KIF26B: variants seen among roughly 807,000 people sequenced by gnomAD.
KIF26B encodes the protein kinesin family member 26B.
A neutral mutation model predicts 151.2 loss-of-function variants in KIF26B; 63 were observed. The ratio of observed to expected loss-of-function variants is 0.42; its 90% CI spans 0.34 to 0.51. The LOEUF (loss-of-function observed/expected upper bound fraction) is 0.51. KIF26B is among the 20% of genes least tolerant of loss of function. The pLI, the probability that KIF26B is intolerant of heterozygous loss-of-function variation, is 0.07. For missense variants in KIF26B, 2,813 were observed against 2,913.6 expected (o/e 0.97, Z 0.79); for synonymous variants, 1,357 against 1,262.1 (o/e 1.08, Z -1.59).
intron 2 of KIF26B, among the ~76,000 whole-genome samples, chr1:245,341,828 G>A (rs1672339744): frequency 6.6e-6 from 1 of 152,202 alleles, no homozygotes; most frequent in South Asian, 2.1e-4. Context: ...TTGGGGCAGA[G>A]CTCAGAGGGA....
At chr1:245,553,180 C>T (rs537324596) in intron 5 of KIF26B, among the ~76,000 whole-genome samples, 75 of 152,344 alleles carry the variant, frequency 4.9e-4, no homozygotes, top group Non-Finnish European at 8.8e-4. Flanking sequence ...TCCACCATCA[C>T]CACTCCTCTT....
chr1:245,539,937 G>A (rs1217052321), intron 4 of KIF26B, among the ~76,000 whole-genome samples: 1 of 152,174 alleles, frequency 6.6e-6, no homozygotes, highest in Admixed American at 6.5e-5. Flanking sequence ...ACAGGTGTGA[G>A]CCACCGTGCC....
chr1:245,500,749 G>A (rs147826099), intron 4 of KIF26B, among the ~76,000 whole-genome samples: 86 of 152,360 alleles, frequency 5.6e-4, no homozygotes, highest in Non-Finnish European at 1.0e-3. Flanking sequence ...GAGGAATTCC[G>A]AAGAGCTGGG....
chr1:245,430,662 T>C (rs1038740768), intron 4 of KIF26B, among the ~76,000 whole-genome samples: 1 of 143,136 alleles, frequency 7.0e-6, no homozygotes, highest in East Asian at 1.9e-4. Flanking sequence ...AGTGAGACCC[T>C]TCTCTTAGAA....
intron 4 of KIF26B, among the ~76,000 whole-genome samples, chr1:245,434,019 T>C (rs2103043124): frequency 1.3e-5 from 2 of 152,266 alleles, no homozygotes; most frequent in Middle Eastern, 6.8e-3. Flanking sequence ...ATATAAACCA[T>C]TACTCAAAAT....
At chr1:245,161,533 AT>A (rs1668529263) in intron 2 of KIF26B, among the ~76,000 whole-genome samples, 2 of 152,228 alleles carry the variant, frequency 1.3e-5, no homozygotes, top group Non-Finnish European at 2.9e-5. Flanking sequence ...TATATCACAG[AT>A]TGTACCATGA....
chr1:245,171,207 AT>A (rs1244460314), intron 2 of KIF26B, among the ~76,000 whole-genome samples: 1 of 152,218 alleles, frequency 6.6e-6, no homozygotes, highest in Non-Finnish European at 1.5e-5. Flanking sequence ...TCTTCAGCAC[AT>A]TATATCTCTT....
At position 245,685,992 on chromosome 1, in the gene KIF26B, G is replaced by T; in HGVS notation, c.3009G>T (p.Arg1003Ser). 1.9e-6 allele frequency: 3 copies of T among 1,594,540 alleles called. No homozygotes were observed. The highest frequency in any genetic ancestry group is 1.7e-6 in the Non-Finnish European group (2 of 1,171,178). ...AACTCCCAGCCTCCAAGATGCAGAG[G>T]AGTCACTCACCTGTGCCCGCCGCGG... ...GPELPASKMQ[R>S]SHSPVPAAAP... is the part of the protein sequence containing the mutation. The change falls in exon 12 of 15, where the codon AGG becomes AGT. Residue 1003 changes from arginine (R) to serine (S), a missense_variant. Arg to Ser is a moderately radical substitution (Grantham distance 110, BLOSUM62 -1). Transcript: ENST00000407071.
At position 245,192,253 on chromosome 1, in the gene KIF26B, G is replaced by A. The variant is rs1318563820; in HGVS notation, c.465+35570G>A. Among the ~76,000 whole-genome samples, 3 of 151,782 alleles carry A rather than the reference G, an allele frequency of 2.0e-5. No homozygotes were observed. In the East Asian group the frequency reaches 5.8e-4, roughly 29 times the overall value. ...AAATGTTTCCCATGTTTCAGGGGAC[G>A]TGCTCATGATATAATTAATGCTAAG... On this transcript the variant is annotated intron_variant, in intron 2 of 14. Coordinates refer to ENST00000407071, the MANE Select transcript of KIF26B (RefSeq NM_018012.4).
chr1:245,555,843 T>C (rs1463852250), intron 5 of KIF26B, among the ~76,000 whole-genome samples: 1 of 152,118 alleles, frequency 6.6e-6, no homozygotes, highest in African/African-American at 2.4e-5. Context: ...AAATGAGGAC[T>C]TGGGGGGGTT....
chr1:245,410,462 T>G (rs1232896665), intron 3 of KIF26B, among the ~76,000 whole-genome samples: 3 of 152,112 alleles, frequency 2.0e-5, no homozygotes, highest in Non-Finnish European at 4.4e-5. Context: ...TCTCTCTTAT[T>G]TTTTGAGACA....
rs529450973 is a variant in KIF26B, at chr1:245,375,351, A to G, written c.999+7984A>G. ...CTCAGCCTCCCAAAGTGCTGGGATT[A>G]CAGGTATGAACCACCACATCCGGCC... On this transcript the variant is annotated intron_variant, in intron 3 of 14. Transcript: ENST00000407071. This position sits in a 1 kb window ranked among gnomAD's most constrained non-coding sequence, Gnocchi z 4.2. Among the ~76,000 whole-genome samples the G allele has an allele frequency of 1.6e-4, 24 of 152,320 alleles. No homozygotes were observed. The highest frequency in any genetic ancestry group is 9.1e-4 in the Admixed American group (14 of 15,304).
chr1:245,646,615 G>A (rs2043950304), intron 10 of KIF26B, among the ~76,000 whole-genome samples: 1 of 152,200 alleles, frequency 6.6e-6, no homozygotes, highest in South Asian at 2.1e-4. Flanking sequence ...TGATGAGAGT[G>A]AGGGGTGGAA....
At chr1:245,464,580 T>C (rs540531484) in intron 4 of KIF26B, among the ~76,000 whole-genome samples, 47 of 138,384 alleles carry the variant, frequency 3.4e-4, no homozygotes, top group African/African-American at 1.2e-3. Flanking sequence ...TGGGTGTGTG[T>C]GCACGTGTGT....
intron 2 of KIF26B, among the ~76,000 whole-genome samples, chr1:245,215,082 T>C (rs1044031134): frequency 1.3e-5 from 2 of 152,100 alleles, no homozygotes; most frequent in Non-Finnish European, 2.9e-5. Context: ...AAGCTTCTCT[T>C]CCAAAGTTTC....
Position 245,375,533 on chromosome 1 carries a change from A to G in KIF26B, c.999+8166A>G, listed in dbSNP as rs1314939144. ...CAAATCTGTTGGCTTTGATGATGGA[A>G]GAAGGAACCTCTAGAAGCTGAGGAC... is the stretch of plus-strand genomic sequence containing the variant. On this transcript the variant is annotated intron_variant, in intron 3 of 14. Transcript: ENST00000407071. The surrounding 1 kb of genome is among the most constrained non-coding windows in gnomAD (Gnocchi z 4.2). Among the ~76,000 whole-genome samples the G allele has an allele frequency of 6.6e-6, 1 of 152,178 alleles. No homozygotes were observed. Among genetic ancestry groups the G allele is most frequent in the Non-Finnish European group, 1.5e-5 (1 of 68,026 alleles).
intron 2 of KIF26B, among the ~76,000 whole-genome samples, chr1:245,296,346 A>G (rs1037511457): frequency 6.6e-6 from 1 of 152,020 alleles, no homozygotes; most frequent in African/African-American, 2.4e-5. Flanking sequence ...ACTGGCTGAC[A>G]CCCCTTAATA....
intron 4 of KIF26B, among the ~76,000 whole-genome samples, chr1:245,539,543 A>C (rs1418925911): frequency 6.6e-6 from 1 of 152,240 alleles, no homozygotes; most frequent in Non-Finnish European, 1.5e-5. Flanking sequence ...GTGTGTAAAC[A>C]TCAAGAATTC....
chr1:245,246,956 C>T (rs1442030635), intron 2 of KIF26B, among the ~76,000 whole-genome samples: 1 of 151,016 alleles, frequency 6.6e-6, no homozygotes, highest in African/African-American at 2.4e-5. Flanking sequence ...GACACACACA[C>T]ACACACAGAC....
Sources: gnomAD v4.1 joint callset for allele counts (sites outside exome capture counted in the v4.1 genomes callset) on GRCh38, gnomAD v4.1.1 for gene constraint, Gnocchi (gnomAD v3.1) non-coding constraint, MANE v1.5 for transcripts, NCBI Gene and HGNC (gene_info 2026-07-23, HGNC 2026-07-21) for gene names.